Variants in ULK4 observed in about 807,000 individuals in gnomAD.
ULK4 encodes the protein inactive serine/threonine-protein kinase ULK4.
In ULK4, 133 loss-of-function variants were observed where a neutral mutation model predicts 160.6. That is an observed-to-expected ratio of 0.83 (90% CI 0.72 to 0.96). The LOEUF is 0.96. Ranked by LOEUF, ULK4 falls within the 40% of genes least tolerant of loss-of-function variation. ULK4 has a pLI of 0.00. For missense variants in ULK4, 1,580 were observed against 1,499.5 expected, an observed-to-expected ratio of 1.05 and a Z score of -0.89; for synonymous variants, 534 against 539.8, an observed-to-expected ratio of 0.99 and a Z score of 0.15.
At position 41,825,445 on chromosome 3, in the gene ULK4, A is replaced by C. The variant is rs562715034; in HGVS notation, c.1765-5939T>G. 6.6e-4 allele frequency among the ~76,000 whole-genome samples: 100 copies of C among 152,324 alleles called. 1 individual carries two copies. The highest frequency in any genetic ancestry group is 2.1e-3 in the African/African-American group (86 of 41,576). On this transcript the variant is annotated intron_variant, in intron 18 of 36. Coordinates refer to ENST00000301831, the MANE Select transcript of ULK4 (RefSeq NM_017886.4). ...ATTAGACAAATGGCTAACCAGAATAACCAATGCAGAGAAGTCCTTAAAGGA... is the reference window on the plus strand; with the variant it reads ...ATTAGACAAATGGCTAACCAGAATACCCAATGCAGAGAAGTCCTTAAAGGA...
At position 41,713,292 on chromosome 3, in the gene ULK4, G is replaced by T. The variant is rs547137207; in HGVS notation, c.2634+1945C>A. ...TTGAGTAACATTTTTGCTATCTTCT[G>T]GAAAAATTATGAATTCATAGAAGCA... On this transcript the variant is annotated intron_variant, in intron 25 of 36. Coordinates refer to ENST00000301831, the MANE Select transcript of ULK4 (RefSeq NM_017886.4). Among the ~76,000 whole-genome samples, 4 of 152,192 alleles carry T rather than the reference G, an allele frequency of 2.6e-5. No individual in the cohort carries two copies. In the East Asian group the frequency reaches 7.7e-4, roughly 29 times the overall value.
chr3:41,524,915 C>T (rs1013675775), intron 32 of ULK4, among the ~76,000 whole-genome samples: 1 of 151,856 alleles, frequency 6.6e-6, no homozygotes, highest in African/African-American at 2.4e-5. Flanking sequence ...TCCAGTCTGG[C>T]GATAGAGCAA....
At chr3:41,759,721 T>C (rs2038924026) in intron 21 of ULK4, among the ~76,000 whole-genome samples, 1 of 151,830 alleles carries the variant, frequency 6.6e-6, no homozygotes. Context: ...TTTTAAGACA[T>C]AAAAAAACTA....
chr3:41,649,100 C>G (rs986318020), intron 30 of ULK4, among the ~76,000 whole-genome samples: 1 of 151,818 alleles, frequency 6.6e-6, no homozygotes, highest in Non-Finnish European at 1.5e-5. Context: ...TGCACTCCAG[C>G]CTGGGTGACA....
intron 35 of ULK4, among the ~76,000 whole-genome samples, chr3:41,309,900 A>G (rs534791923): frequency 7.4e-4 from 62 of 83,932 alleles, no homozygotes; most frequent in South Asian, 6.8e-3. Context: ...CTTTTAGGGA[A>G]AAAAAAAAAA....
At chr3:41,472,452 C>T (rs555944800) in intron 32 of ULK4, among the ~76,000 whole-genome samples, 1 of 151,884 alleles carries the variant, frequency 6.6e-6, no homozygotes, top group Non-Finnish European at 1.5e-5. Flanking sequence ...GCCTGTAATG[C>T]CAGCTACTTA....
chr3:41,895,925 G>A (rs571525852), intron 15 of ULK4, among the ~76,000 whole-genome samples: 25 of 152,104 alleles, frequency 1.6e-4, no homozygotes, highest in Non-Finnish European at 3.2e-4. Flanking sequence ...AAACACCTCC[G>A]AACCACTGTA....
At position 41,372,968 on chromosome 3, in the gene ULK4, A is replaced by C. The variant is rs114381153; in HGVS notation, c.3678+25111T>G. Among the ~76,000 whole-genome samples, 1,426 of 152,322 alleles carry C rather than the reference A, an allele frequency of 9.4e-3. 9 individuals are homozygous for C. The highest frequency in any genetic ancestry group is 0.015 in the Non-Finnish European group (1,046 of 68,024). On this transcript the variant is annotated intron_variant, in intron 35 of 36. Transcript: ENST00000301831. ...AGATTTAGCAAGCAAATAGAGAGCA[A>C]ACAAAAGCAGGGGTTGCAATCCTAG... is the stretch of plus-strand genomic sequence containing the variant.
chr3:41,277,458 A>G (rs1376510795), intron 35 of ULK4, among the ~76,000 whole-genome samples: 1 of 152,260 alleles, frequency 6.6e-6, no homozygotes, highest in Non-Finnish European at 1.5e-5. Context: ...ATGCAAGTCA[A>G]TAAATGTCAT....
intron 32 of ULK4, among the ~76,000 whole-genome samples, chr3:41,543,866 T>G (rs1040985847): frequency 6.6e-6 from 1 of 152,162 alleles, no homozygotes; most frequent in Non-Finnish European, 1.5e-5. Context: ...TGAATTTCCA[T>G]TTGGTTCATT....
At chr3:41,563,048 C>G (rs1419598724) in intron 32 of ULK4, among the ~76,000 whole-genome samples, 1 of 152,170 alleles carries the variant, frequency 6.6e-6, no homozygotes, top group African/African-American at 2.4e-5. Flanking sequence ...TCTTGTAAGG[C>G]AAGCCTGGTG....
Position 41,772,214 on chromosome 3 carries a change from T to A in ULK4, c.2193+17447A>T, listed in dbSNP as rs959776908. Reference sequence around the variant, plus strand: ...GCTAGCAGAAAGCAAGAAATAACTATGATCAGAGCAGAACTGAAGGAGATA... The same window carrying A: ...GCTAGCAGAAAGCAAGAAATAACTAAGATCAGAGCAGAACTGAAGGAGATA... On this transcript the variant is annotated intron_variant, in intron 21 of 36. Coordinates refer to ENST00000301831, the MANE Select transcript of ULK4 (RefSeq NM_017886.4). 2.6e-5 allele frequency among the ~76,000 whole-genome samples: 4 copies of A among 151,986 alleles called. No individual in the cohort carries two copies. In the East Asian group the frequency reaches 5.8e-4, roughly 22 times the overall value.
chr3:41,340,195 A>C (rs1347275452), intron 35 of ULK4, among the ~76,000 whole-genome samples: 2 of 152,198 alleles, frequency 1.3e-5, no homozygotes, highest in Non-Finnish European at 2.9e-5. Context: ...TTTAATGCTC[A>C]CCCTTCAAAT....
intron 21 of ULK4, among the ~76,000 whole-genome samples, chr3:41,768,436 C>T (rs2039240684): frequency 6.6e-6 from 1 of 152,130 alleles, no homozygotes. Context: ...ACCTCCAAGG[C>T]TAGGTTTGAA....
At chr3:41,443,489 C>T (rs1398889543) in intron 34 of ULK4, among the ~76,000 whole-genome samples, 1 of 152,144 alleles carries the variant, frequency 6.6e-6, no homozygotes, top group East Asian at 1.9e-4. Flanking sequence ...AATGACTAGT[C>T]ACTAATGGTG....
rs138877972 is a variant in ULK4 at position 41,295,607 on chromosome 3, A to G, written c.3679-46033T>C. ...GAACAGTAAGAAAACAGTTGATAAAAAAAAAAAGCCAAAGACCATAACAGA... is the reference window on the plus strand; with the variant it reads ...GAACAGTAAGAAAACAGTTGATAAAGAAAAAAAGCCAAAGACCATAACAGA... On this transcript the variant is annotated intron_variant, in intron 35 of 36. Transcript: ENST00000301831. Among the ~76,000 whole-genome samples the G allele has an allele frequency of 3.7e-5, 5 of 133,696 alleles. No homozygotes were observed. The East Asian group carries it at 9.8e-4, about 26-fold the overall frequency. The allele number at this position is 133,696 out of a possible 152,430, so 87.7% of individuals were successfully genotyped here.
chr3:41,897,749 G>C (rs1698213847), intron 14 of ULK4, among the ~76,000 whole-genome samples: 1 of 152,036 alleles, frequency 6.6e-6, no homozygotes, highest in Non-Finnish European at 1.5e-5. Context: ...CAGTAATTAA[G>C]TTGACCAATA....
At chr3:41,583,875 G>A (rs1267712278) in intron 31 of ULK4, among the ~76,000 whole-genome samples, 2 of 152,226 alleles carry the variant, frequency 1.3e-5, no homozygotes, top group Non-Finnish European at 2.9e-5. Flanking sequence ...ACAAATGTGG[G>A]ATGGAGCAGA....
intron 34 of ULK4, among the ~76,000 whole-genome samples, chr3:41,432,554 A>G (rs2082936921): frequency 6.6e-6 from 1 of 152,154 alleles, no homozygotes; most frequent in Non-Finnish European, 1.5e-5. Context: ...ATCACTATCA[A>G]TCATCTCCTT....
Sources: allele counts gnomAD v4.1 joint callset (sites outside exome capture counted in the v4.1 genomes callset), GRCh38; gene constraint gnomAD v4.1.1; transcripts MANE v1.5; gene names NCBI Gene and HGNC (gene_info 2026-07-23, HGNC 2026-07-21).